The following TBCD variants were observed in gnomAD, a reference collection of about 807,000 sequenced individuals.
The protein encoded by TBCD is tubulin-specific chaperone D.
A neutral mutation model predicts 169.3 loss-of-function variants in TBCD; 105 were observed. The observed-to-expected ratio is 0.62, with a 90% CI of 0.53 to 0.73. The LOEUF is 0.73. Ranked by LOEUF, TBCD falls within the 30% of genes least tolerant of loss-of-function variation. The pLI is 0.00. For missense variants in TBCD, 1,444 were observed against 1,600.1 expected, an observed-to-expected ratio of 0.90 and a Z score of 1.66; for synonymous variants, 700 against 643.9, an observed-to-expected ratio of 1.09 and a Z score of -1.32.
chr17:82,808,360 C>T (rs1223139000), intron 11 of TBCD, among the ~76,000 whole-genome samples: 1 of 111,064 alleles, frequency 9.0e-6, no homozygotes, highest in East Asian at 2.6e-4. Flanking sequence ...GAGGCAGGTG[C>T]AGGGGCCAGC....
intron 11 of TBCD, among the ~76,000 whole-genome samples, chr17:82,808,227 G>C (rs138759707): frequency 7.3e-4 from 111 of 152,304 alleles, no homozygotes; most frequent in African/African-American, 2.6e-3. Flanking sequence ...GCTGTGCAGG[G>C]ACAGCGATAC....
chr17:82,901,022 G>A (rs988837259), intron 18 of TBCD, among the ~76,000 whole-genome samples: 49 of 152,248 alleles, frequency 3.2e-4, no homozygotes, highest in African/African-American at 1.1e-3. Flanking sequence ...GGGCGCGGGC[G>A]TAGCTTGGAG....
At chr17:82,895,217 C>T (rs1227850875) in intron 17 of TBCD, among the ~76,000 whole-genome samples, 3 of 152,248 alleles carry the variant, frequency 2.0e-5, no homozygotes, top group Admixed American at 1.3e-4. Flanking sequence ...GACCAGATGC[C>T]ACTTGTGAGG....
At chr17:82,925,845 A>G (rs2061699036) in intron 27 of TBCD, among the ~76,000 whole-genome samples, 1 of 152,144 alleles carries the variant, frequency 6.6e-6, no homozygotes, top group Non-Finnish European at 1.5e-5. Context: ...GTAGGACAAA[A>G]GGGGGGGACC....
At position 82,923,850 on chromosome 17, in the gene TBCD, T is replaced by G; in HGVS notation, c.2260+117T>G. 1 of 800,084 alleles carries G rather than the reference T, an allele frequency of 1.2e-6. No individual in the cohort carries two copies. Among genetic ancestry groups the G allele is most frequent in the Non-Finnish European group, 2.0e-6 (1 of 505,610 alleles). The allele number at this position is 800,084 out of a possible 1,614,324, so 49.6% of individuals were successfully genotyped here. On this transcript the variant is annotated intron_variant, in intron 26 of 38. Coordinates refer to ENST00000355528, the MANE Select transcript of TBCD (RefSeq NM_005993.5). This position sits in a 1 kb window ranked among gnomAD's most constrained non-coding sequence, Gnocchi z 4.6. ...CAGTGGAGCAGAGCCACCACGATCATGGCTGGAGTGGGACTGTTCGGGTCT... is the reference window on the plus strand; with the variant it reads ...CAGTGGAGCAGAGCCACCACGATCAGGGCTGGAGTGGGACTGTTCGGGTCT...
Position 82,805,323 on chromosome 17 carries a change from T to C in TBCD, c.951-552T>C, listed in dbSNP as rs3791169. Among the ~76,000 whole-genome samples the C allele has an allele frequency of 7.9e-5, 12 of 152,298 alleles. No homozygotes were observed. The East Asian group carries it at 2.3e-3, about 30-fold the overall frequency. ...GAGCCAGGTCCCAGGGTCTGTGCCA[T>C]GGGCCCCTTCATGGCGTGTCCAGGG... On this transcript the variant is annotated intron_variant, in intron 9 of 38. Coordinates refer to ENST00000355528, the MANE Select transcript of TBCD (RefSeq NM_005993.5).
intron 7 of TBCD, among the ~76,000 whole-genome samples, chr17:82,796,250 G>T (rs1367971022): frequency 1.3e-5 from 2 of 152,206 alleles, no homozygotes; most frequent in Non-Finnish European, 2.9e-5. Flanking sequence ...CACGGTTTCT[G>T]CTCAGCAAGT....
chr17:82,802,720 C>T (rs1256467786), intron 9 of TBCD, among the ~76,000 whole-genome samples: 2 of 152,232 alleles, frequency 1.3e-5, no homozygotes, highest in South Asian at 2.1e-4. Context: ...GCTGGCTGAA[C>T]GAGGCCCCCT....
intron 5 of TBCD, 95 bp from the exon 6 acceptor site, chr17:82,772,357 G>A (rs1382182109): frequency 2.3e-6 from 3 of 1,300,070 alleles, no homozygotes; most frequent in South Asian, 1.2e-5. Context: ...CTGGGCCCTC[G>A]GGGAGCTGGT....
intron 15 of TBCD, chr17:82,886,266 C>T (rs2058700682): frequency 6.6e-6 from 1 of 152,232 alleles, no homozygotes; most frequent in Non-Finnish European, 1.5e-5. Context: ...AGGAGCATGG[C>T]GACTCAGGCA....
chr17:82,861,212 A>T (rs945547271), intron 13 of TBCD, among the ~76,000 whole-genome samples: 2 of 151,044 alleles, frequency 1.3e-5, no homozygotes, highest in African/African-American at 4.9e-5. Flanking sequence ...GTGGTCAGGG[A>T]CCCACCCAGT....
rs199972447 is a variant in TBCD, at chr17:82,927,933, A to T, written c.2638A>T (p.Met880Leu). Reference sequence around the variant, plus strand: ...CCGCAAGGCCGCCATGACCAGTCTGATGGATCTGACACTTCTGCTGGCTCG... The same window carrying T: ...CCGCAAGGCCGCCATGACCAGTCTGTTGGATCTGACACTTCTGCTGGCTCG... ...WVRKAAMTSLMDLTLLLARSQ... is the reference protein window; with the variant it reads ...WVRKAAMTSLLDLTLLLARSQ... Residue 880 changes from methionine to leucine, a missense_variant, in exon 30 of 39, where the codon ATG (methionine) becomes TTG (leucine). By Grantham distance (15) the Met-to-Leu change is conservative. Coordinates refer to ENST00000355528, the MANE Select transcript of TBCD (RefSeq NM_005993.5). 61 of 1,613,350 alleles carry T rather than the reference A, an allele frequency of 3.8e-5. No homozygotes were observed. The African/African-American group carries it at 7.9e-4, about 21-fold the overall frequency.
intron 30 of TBCD, 139 bp downstream of exon 30, chr17:82,928,127 C>T: frequency 1.3e-6 from 1 of 742,094 alleles, no homozygotes; most frequent in Admixed American, 2.3e-5. Context: ...CCTCTCTGGT[C>T]CCTGACCCCA....
chr17:82,928,067 G>A, intron 30 of TBCD, 79 bp downstream of exon 30: 1 of 1,290,990 alleles, frequency 7.7e-7, no homozygotes, highest in Non-Finnish European at 1.1e-6. Flanking sequence ...GGGCGGTCCT[G>A]GTGCTCAGTG....
intron 7 of TBCD, chr17:82,795,674 C>A: frequency 2.2e-6 from 2 of 894,356 alleles, no homozygotes; most frequent in Non-Finnish European, 1.3e-6. Context: ...GCATCAGTGA[C>A]AGCCGCACTC....
intron 26 of TBCD, 149 bp from the exon 27 acceptor site, chr17:82,924,790 G>T: frequency 3.3e-6 from 2 of 599,450 alleles, no homozygotes; most frequent in Non-Finnish European, 5.8e-6. Context: ...TTTGAGGTAG[G>T]CCACTTTGGA....
chr17:82,765,903 A>G (rs1213206862), intron 3 of TBCD, among the ~76,000 whole-genome samples: 2 of 151,936 alleles, frequency 1.3e-5, no homozygotes, highest in Non-Finnish European at 2.9e-5. Context: ...GCAGCCTCGA[A>G]CTCTTGGTCT....
chr17:82,926,887 C>A lies in TBCD; in HGVS notation c.2472-299C>A, dbSNP rs1299034545. 7.8e-6 allele frequency: 4 copies of A among 514,500 alleles called. No homozygotes were observed. In the East Asian group the frequency reaches 1.4e-4, roughly 18 times the overall value. The allele number at this position is 514,500 out of a possible 1,614,324, so 31.9% of individuals were successfully genotyped here. ...AGCAGTCCCGCGGGGGCCACGCACGCCCCCTTCTCTCCTATGCCAGCATCC... is the reference window on the plus strand; with the variant it reads ...AGCAGTCCCGCGGGGGCCACGCACGACCCCTTCTCTCCTATGCCAGCATCC... On this transcript the variant is annotated intron_variant, in intron 28 of 38. Coordinates refer to ENST00000355528, the MANE Select transcript of TBCD (RefSeq NM_005993.5).
intron 6 of TBCD, among the ~76,000 whole-genome samples, chr17:82,777,523 A>G (rs561422939): frequency 2.6e-5 from 4 of 152,354 alleles, no homozygotes; most frequent in African/African-American, 9.6e-5. Flanking sequence ...AACGGTAGGT[A>G]AGGTCTCGTG....
Sources: allele counts gnomAD v4.1 joint callset (sites outside exome capture counted in the v4.1 genomes callset), GRCh38; gene constraint gnomAD v4.1.1; non-coding constraint Gnocchi (gnomAD v3.1); transcripts MANE v1.5; gene names NCBI Gene and HGNC (gene_info 2026-07-23, HGNC 2026-07-21).